Variants in FOXO1 observed in about 807,000 individuals in gnomAD.
The protein encoded by FOXO1 is forkhead box protein O1.
Under a neutral mutation model 44.1 loss-of-function variants are expected in FOXO1, and 6 were observed. The observed-to-expected ratio is 0.14, with a 90% CI of 0.07 to 0.27. The LOEUF (loss-of-function observed/expected upper bound fraction) is 0.27. Among genes scored for constraint, FOXO1 ranks in the 10% least tolerant of loss-of-function variants. FOXO1 has a pLI of 1.00. For missense variants in FOXO1, 737 were observed against 888.8 expected (o/e 0.83, Z 2.17); for synonymous variants, 380 against 362.7 (o/e 1.05, Z -0.54).
intron 1 of FOXO1, among the ~76,000 whole-genome samples, chr13:40,582,453 T>C (rs1874994953): frequency 6.6e-6 from 1 of 152,214 alleles, no homozygotes; most frequent in Admixed American, 6.5e-5. Context: ...CACGAAAAAT[T>C]TCTCTGTAGC....
At chr13:40,612,256 T>C (rs757710482) in intron 1 of FOXO1, among the ~76,000 whole-genome samples, 9 of 152,144 alleles carry the variant, frequency 5.9e-5, no homozygotes, top group Admixed American at 3.3e-4. Flanking sequence ...CATAGAGACC[T>C]TGGATCTCCC....
chr13:40,581,635 T>C (rs1874960271), intron 1 of FOXO1, among the ~76,000 whole-genome samples: 1 of 152,166 alleles, frequency 6.6e-6, no homozygotes, highest in Non-Finnish European at 1.5e-5. Flanking sequence ...ATACAAAAAT[T>C]CAACAGAAAC....
intron 1 of FOXO1, among the ~76,000 whole-genome samples, chr13:40,652,963 G>A (rs1877732020): frequency 6.6e-6 from 1 of 151,758 alleles, no homozygotes; most frequent in East Asian, 1.9e-4. Context: ...AAATCTAAGT[G>A]CATTTCTCTT....
intron 1 of FOXO1, among the ~76,000 whole-genome samples, chr13:40,565,683 A>C (rs2137830204): frequency 6.6e-6 from 1 of 152,332 alleles, no homozygotes; most frequent in South Asian, 2.1e-4. Context: ...ACAGATTAGT[A>C]TTTCCTACAT....
At chr13:40,581,187 C>T (rs1165207036) in intron 1 of FOXO1, among the ~76,000 whole-genome samples, 1 of 152,192 alleles carries the variant, frequency 6.6e-6, no homozygotes, top group Non-Finnish European at 1.5e-5. Flanking sequence ...CCCTTAACCC[C>T]CTTTTTTGGA....
At chr13:40,620,746 T>C (rs186483339) in intron 1 of FOXO1, among the ~76,000 whole-genome samples, 1 of 151,116 alleles carries the variant, frequency 6.6e-6, no homozygotes, top group African/African-American at 2.4e-5. Context: ...TAGCATGTAG[T>C]TGCAAAATTC....
chr13:40,558,891 G>A lies in FOXO1; in HGVS notation c.*158C>T, dbSNP rs1873862123. On this transcript the variant is annotated 3_prime_UTR_variant, in exon 3 of 3. Coordinates refer to ENST00000379561, the MANE Select transcript of FOXO1 (RefSeq NM_002015.4). ...ACAGGAAAAATGTCTTTGCTGCCAA[G>A]TCTGACGAAAGGAAAAAAGGAGGGT... 1 of 396,696 alleles carries A rather than the reference G, an allele frequency of 2.5e-6. No individual in the cohort carries two copies. The allele number at this position is 396,696 out of a possible 1,614,324, so 24.6% of individuals were successfully genotyped here. A position where few individuals can be genotyped will look rare whatever the true frequency, so the allele number is the denominator to read the frequency against.
Position 40,666,239 on chromosome 13 carries a change from C to G in FOXO1, c.-27G>C. 4 of 1,373,900 alleles carry G rather than the reference C, an allele frequency of 2.9e-6. No homozygotes were observed. Among genetic ancestry groups the G allele is most frequent in the Non-Finnish European group, 3.8e-6 (4 of 1,064,030 alleles). The allele number at this position is 1,373,900 out of a possible 1,614,324, so 85.1% of individuals were successfully genotyped here. On this transcript the variant is annotated 5_prime_UTR_variant, in exon 1 of 3. Transcript: ENST00000379561. The stretch of plus-strand genomic sequence containing the variant: ...GTGACCCCCGCCCCTCCCCCAGCCG[C>G]AGGAGAGCCAAGAGGGGGAGAACGC...
intron 1 of FOXO1, among the ~76,000 whole-genome samples, chr13:40,608,702 G>C (rs1876113484): frequency 6.6e-6 from 1 of 152,086 alleles, no homozygotes; most frequent in South Asian, 2.1e-4. Context: ...CTTCAGAAAA[G>C]AACATTGTCT....
intron 1 of FOXO1, among the ~76,000 whole-genome samples, chr13:40,653,680 A>T (rs1227564707): frequency 6.6e-6 from 1 of 152,184 alleles, no homozygotes; most frequent in Non-Finnish European, 1.5e-5. Context: ...TGCAGTTACA[A>T]AATACAACCA....
intron 1 of FOXO1, among the ~76,000 whole-genome samples, chr13:40,648,769 T>C (rs1238486647): frequency 6.6e-6 from 1 of 152,206 alleles, no homozygotes; most frequent in East Asian, 1.9e-4. Context: ...ACTATTAATA[T>C]ATTTATAGCT....
intron 1 of FOXO1, among the ~76,000 whole-genome samples, chr13:40,603,685 A>G (rs183365372): frequency 6.6e-6 from 1 of 152,134 alleles, no homozygotes; most frequent in Non-Finnish European, 1.5e-5. Context: ...TATCAATCCA[A>G]CTACAGAGTT....
intron 1 of FOXO1, among the ~76,000 whole-genome samples, chr13:40,639,023 G>A (rs537640320): frequency 1.9e-4 from 29 of 152,176 alleles, no homozygotes; most frequent in Middle Eastern, 3.4e-3. Flanking sequence ...GTAAAACCCC[G>A]TCTCTACTAA....
intron 1 of FOXO1, among the ~76,000 whole-genome samples, chr13:40,591,556 G>A (rs907280411): frequency 1.3e-5 from 2 of 152,192 alleles, no homozygotes; most frequent in African/African-American, 4.8e-5. Context: ...CAAGAGGGAT[G>A]ATGGAAAGGA....
chr13:40,635,361 T>C (rs190299039), intron 1 of FOXO1, among the ~76,000 whole-genome samples: 66 of 152,226 alleles, frequency 4.3e-4, no homozygotes, highest in African/African-American at 1.5e-3. Flanking sequence ...GCTTAACATT[T>C]AGGGGAAAAA....
At chr13:40,568,750 C>T (rs146040688) in intron 1 of FOXO1, among the ~76,000 whole-genome samples, 2 of 152,092 alleles carry the variant, frequency 1.3e-5, no homozygotes, top group African/African-American at 2.4e-5. Flanking sequence ...CTATACCCCC[C>T]ACTGCTACCC....
intron 1 of FOXO1, among the ~76,000 whole-genome samples, chr13:40,637,139 T>C (rs966294240): frequency 7.2e-5 from 11 of 152,052 alleles, no homozygotes; most frequent in South Asian, 2.1e-4. Flanking sequence ...GCAGTGGCAA[T>C]TGATCCCATG....
chr13:40,649,155 G>C (rs566720494), intron 1 of FOXO1, among the ~76,000 whole-genome samples: 1 of 152,276 alleles, frequency 6.6e-6, no homozygotes, highest in South Asian at 2.1e-4. Flanking sequence ...AGCCTCATAG[G>C]GCACATGACT....
At chr13:40,570,331 TA>T (rs755218446) in intron 1 of FOXO1, among the ~76,000 whole-genome samples, 1 of 148,632 alleles carries the variant, frequency 6.7e-6, no homozygotes, top group Non-Finnish European at 1.5e-5. Flanking sequence ...TAAAATAAAA[TA>T]AAAAAAAGAC....
Sources: gnomAD v4.1 joint callset for allele counts (sites outside exome capture counted in the v4.1 genomes callset) on GRCh38, gnomAD v4.1.1 for gene constraint, MANE v1.5 for transcripts, NCBI Gene and HGNC (gene_info 2026-07-23, HGNC 2026-07-21) for gene names.